Variants in PSMA5 observed in about 807,000 individuals in gnomAD.
The protein encoded by PSMA5 is proteasome subunit alpha type-5.
PSMA5 carries 3 observed loss-of-function variants against 34.5 expected under a neutral mutation model. The observed-to-expected ratio is 0.09, with a 90% CI of 0.04 to 0.22. The LOEUF is 0.22. PSMA5 is among the 10% of genes least tolerant of loss of function. PSMA5 has a pLI of 1.00. For synonymous variants in PSMA5, 88 were observed against 95.8 expected (o/e 0.92, Z 0.47); for missense variants, 120 against 286.1 (o/e 0.42, Z 4.19).
At chr1:109,407,478 C>T (rs1318285250) in intron 8 of PSMA5, among the ~76,000 whole-genome samples, 2 of 152,182 alleles carry the variant, frequency 1.3e-5, no homozygotes, top group Non-Finnish European at 2.9e-5. Flanking sequence ...ACCAACAATA[C>T]TCTCCAGTCC....
chr1:109,407,014 GCT>G (rs1392441645), intron 8 of PSMA5, among the ~76,000 whole-genome samples: 1 of 152,058 alleles, frequency 6.6e-6, no homozygotes, highest in Non-Finnish European at 1.5e-5. Flanking sequence ...AGACAGTCTC[GCT>G]CTGTCGCCCA....
chr1:109,426,025 T>C (rs763029483), intron 1 of PSMA5: 3 of 563,918 alleles, frequency 5.3e-6, no homozygotes, highest in Non-Finnish European at 9.6e-6. Context: ...AGGTAGGAGT[T>C]CCGGCTCCTC....
intron 8 of PSMA5, among the ~76,000 whole-genome samples, chr1:109,404,209 A>T (rs1653656028): frequency 6.6e-6 from 1 of 152,146 alleles, no homozygotes; most frequent in African/African-American, 2.4e-5. Flanking sequence ...CTGTAGGCCC[A>T]GCTGAGGCAC....
At chr1:109,421,264 G>A (rs781255023) in intron 2 of PSMA5, among the ~76,000 whole-genome samples, 2 of 151,988 alleles carry the variant, frequency 1.3e-5, no homozygotes, top group African/African-American at 2.4e-5. Context: ...TGGGCTGTGC[G>A]TGGTGGCTCA....
chr1:109,401,730 A>C lies in PSMA5; in HGVS notation c.*283T>G, dbSNP rs1048581196. On this transcript the variant is annotated 3_prime_UTR_variant, in exon 9 of 9. Transcript: ENST00000271308. ...ATAATCCTAGCACTTCAGGAGGCAG[A>C]GGCGGGAAGATCACTTGAACCCAGG... The C allele has an allele frequency of 2.2e-5, 5 of 227,708 alleles. No homozygotes were observed. The highest frequency in any genetic ancestry group is 3.4e-5 in the Non-Finnish European group (4 of 119,030). The allele number at this position is 227,708 out of a possible 1,614,324, so 14.1% of individuals were successfully genotyped here.
intron 1 of PSMA5, among the ~76,000 whole-genome samples, 169 bp from the exon 2 acceptor site, chr1:109,422,095 C>A (rs1654465493): frequency 6.6e-6 from 1 of 152,158 alleles, no homozygotes; most frequent in East Asian, 1.9e-4. Flanking sequence ...TTAACAGTTT[C>A]TCAAGGCAAT....
chr1:109,403,733 G>C (rs573777590), intron 8 of PSMA5, among the ~76,000 whole-genome samples: 5 of 152,206 alleles, frequency 3.3e-5, no homozygotes, highest in African/African-American at 9.6e-5. Context: ...AGTTGCTAGA[G>C]AGAATCAGCA....
chr1:109,423,937 G>A (rs182668782), intron 1 of PSMA5, among the ~76,000 whole-genome samples: 149 of 152,226 alleles, frequency 9.8e-4, no homozygotes, highest in African/African-American at 3.2e-3. Context: ...CCTTAGCCTC[G>A]TATTAAAAAC....
In PSMA5 at chr1:109,421,960, A is replaced by G. The variant is rs1437325420; in HGVS notation, c.30-34T>C. On this transcript the variant is annotated intron_variant, in intron 1 of 8. Transcript: ENST00000271308. Reference sequence around the variant, plus strand: ...TAAAAAAAAATTATTAATTATACTCATAAAAACTAGCCATGTAGACACTGA... The same window carrying G: ...TAAAAAAAAATTATTAATTATACTCGTAAAAACTAGCCATGTAGACACTGA... The G allele has an allele frequency of 2.2e-6, 3 of 1,353,262 alleles. No homozygotes were observed. In the African/African-American group the frequency reaches 4.7e-5, roughly 21 times the overall value. The allele number at this position is 1,353,262 out of a possible 1,614,324, so 83.8% of individuals were successfully genotyped here. A position where few individuals can be genotyped will look rare whatever the true frequency, so the allele number is the denominator to read the frequency against.
At chr1:109,405,057 A>C (rs1318805383) in intron 8 of PSMA5, among the ~76,000 whole-genome samples, 1 of 152,236 alleles carries the variant, frequency 6.6e-6, no homozygotes, top group Non-Finnish European at 1.5e-5. Context: ...ATATTTGCAA[A>C]ACTGAAAGTA....
intron 3 of PSMA5, among the ~76,000 whole-genome samples, chr1:109,414,538 T>C (rs1467321074): frequency 6.6e-6 from 1 of 152,208 alleles, no homozygotes; most frequent in Non-Finnish European, 1.5e-5. Context: ...GGCTCTCAAT[T>C]TGTTGAACAC....
intron 2 of PSMA5, among the ~76,000 whole-genome samples, chr1:109,419,221 A>G (rs1425132439): frequency 6.6e-6 from 1 of 152,214 alleles, no homozygotes; most frequent in Non-Finnish European, 1.5e-5. Flanking sequence ...AATTGAGCAA[A>G]TAAATCAAAA....
chr1:109,415,102 A>G (rs1654138845), intron 3 of PSMA5, 135 bp downstream of exon 3: 1 of 1,104,354 alleles, frequency 9.1e-7, no homozygotes, highest in Non-Finnish European at 1.2e-6. Context: ...ACATTTACGC[A>G]TTCTGGCCTA....
chr1:109,424,632 C>T (rs903503519), intron 1 of PSMA5, among the ~76,000 whole-genome samples: 3 of 149,884 alleles, frequency 2.0e-5, no homozygotes, highest in Non-Finnish European at 3.0e-5. Context: ...AAAAATTAGC[C>T]GGGCGTGGTG....
In PSMA5 at chr1:109,426,381, C is replaced by A; in HGVS notation, c.-51G>T. 1.2e-6 allele frequency: 2 copies of A among 1,608,092 alleles called. No homozygotes were observed. The highest frequency in any genetic ancestry group is 1.7e-6 in the Non-Finnish European group (2 of 1,174,562). ...TACGCGGGGATTCTGAGGACCAACACGACTCCACCGGCACCCAACTCACCG... is the reference window on the plus strand; with the variant it reads ...TACGCGGGGATTCTGAGGACCAACAAGACTCCACCGGCACCCAACTCACCG... On this transcript the variant is annotated 5_prime_UTR_variant, in exon 1 of 9. Transcript: ENST00000271308.
In PSMA5 at chr1:109,426,288, C is replaced by T. The variant is rs754520409; in HGVS notation, c.29+14G>A. ...ACCCATAATTCCCACCCGACGTCCCCCAGCTGCACGGACCTGTCGTACTCA... is the reference window on the plus strand; with the variant it reads ...ACCCATAATTCCCACCCGACGTCCCTCAGCTGCACGGACCTGTCGTACTCA... On this transcript the variant is annotated intron_variant, in intron 1 of 8. Coordinates refer to ENST00000271308, the MANE Select transcript of PSMA5 (RefSeq NM_002790.4). 3 of 1,614,126 alleles carry T rather than the reference C, an allele frequency of 1.9e-6. No homozygotes were observed. The East Asian group carries it at 6.7e-5, about 36-fold the overall frequency.
chr1:109,402,181 G>T, intron 8 of PSMA5, 91 bp from the exon 9 acceptor site: 1 of 906,510 alleles, frequency 1.1e-6, no homozygotes, highest in South Asian at 1.5e-5. Flanking sequence ...TGGTGATGCA[G>T]CTATTCATTA....
At chr1:109,425,872 C>T (rs1240691865) in intron 1 of PSMA5, 2 of 184,620 alleles carry the variant, frequency 1.1e-5, no homozygotes, top group African/African-American at 2.3e-5. Flanking sequence ...AGAAACTATA[C>T]ACCGCAGCAT....
At chr1:109,421,399 G>A (rs1290719965) in intron 2 of PSMA5, among the ~76,000 whole-genome samples, 3 of 150,954 alleles carry the variant, frequency 2.0e-5, no homozygotes, top group Non-Finnish European at 4.4e-5. Flanking sequence ...AGGGGCGGAG[G>A]TTGCAGTAAG....
Sources: allele counts gnomAD v4.1 joint callset (sites outside exome capture counted in the v4.1 genomes callset), GRCh38; gene constraint gnomAD v4.1.1; transcripts MANE v1.5; gene names NCBI Gene and HGNC (gene_info 2026-07-23, HGNC 2026-07-21).